The following ZCCHC2 variants were observed in gnomAD, a reference collection of about 807,000 sequenced individuals.
ZCCHC2 encodes the protein zinc finger CCHC domain-containing protein 2.
A neutral mutation model predicts 103.6 loss-of-function variants in ZCCHC2; 39 were observed. The observed-to-expected ratio is 0.38, with a 90% CI of 0.29 to 0.49. The LOEUF (loss-of-function observed/expected upper bound fraction) is 0.49, where lower values mean the gene tolerates loss of function less well. ZCCHC2 is among the 20% of genes least tolerant of loss of function. ZCCHC2 has a pLI of 0.96. For synonymous variants in ZCCHC2, 687 were observed against 608.9 expected, an observed-to-expected ratio of 1.13 and a Z score of -1.89; for missense variants, 1,483 against 1,491.0, an observed-to-expected ratio of 0.99 and a Z score of 0.09.
chr18:62,568,986 T>A (rs1373428814), intron 11 of ZCCHC2, among the ~76,000 whole-genome samples: 1 of 152,234 alleles, frequency 6.6e-6, no homozygotes, highest in Non-Finnish European at 1.5e-5. Context: ...TCCAGGTAAC[T>A]TTTCTGTAAA....
intron 7 of ZCCHC2, chr18:62,560,296 A>G (rs547374480): frequency 1.5e-4 from 38 of 258,598 alleles, no homozygotes; most frequent in Non-Finnish European, 2.1e-4. Flanking sequence ...AAAAAGTTCT[A>G]TCTGAAATTG....
chr18:62,557,385 A>G (rs915585599), intron 6 of ZCCHC2, among the ~76,000 whole-genome samples: 2 of 152,212 alleles, frequency 1.3e-5, no homozygotes, highest in Admixed American at 1.3e-4. Flanking sequence ...AGAAAAACAC[A>G]TATTTCCTCA....
chr18:62,543,936 G>C (rs1333252556), intron 3 of ZCCHC2, among the ~76,000 whole-genome samples: 2 of 152,208 alleles, frequency 1.3e-5, no homozygotes, highest in Non-Finnish European at 2.9e-5. Context: ...CTTAAGAAAT[G>C]TAATGTGCCA....
At chr18:62,558,116 A>G (rs1464222785) in intron 6 of ZCCHC2, among the ~76,000 whole-genome samples, 3 of 152,100 alleles carry the variant, frequency 2.0e-5, no homozygotes, top group Non-Finnish European at 2.9e-5. Context: ...AAATAATGCT[A>G]AAGTCCTGAA....
chr18:62,579,824 G>A (rs2121911412), downstream of ZCCHC2, among the ~76,000 whole-genome samples: 1 of 152,238 alleles, frequency 6.6e-6, no homozygotes, highest in East Asian at 1.9e-4. Context: ...CCGGGTTCAA[G>A]TGATTCTCCT....
chr18:62,563,214 C>G lies in ZCCHC2; in HGVS notation c.1686+70C>G, dbSNP rs73963453. 9.6e-4 allele frequency: 1,479 copies of G among 1,535,254 alleles called. 12 individuals carry two copies. In the African/African-American group the frequency reaches 0.018, roughly 18 times the overall value. On this transcript the variant is annotated intron_variant, in intron 9 of 13. Transcript: ENST00000269499. The stretch of plus-strand genomic sequence containing the variant: ...TCCTCTATAAGAAAAAAATTAAGTT[C>G]TGTAAGCTTTCAGTCAGACAGTATA...
chr18:62,576,281 A>G (rs1396685616), intron 13 of ZCCHC2, among the ~76,000 whole-genome samples: 1 of 152,222 alleles, frequency 6.6e-6, no homozygotes, highest in African/African-American at 2.4e-5. Context: ...TAAATTGGGA[A>G]TATATTTACT....
chr18:62,547,550 T>G (rs1105674), intron 4 of ZCCHC2, among the ~76,000 whole-genome samples: 23,168 of 145,964 alleles, frequency 0.16, 2,260 homozygotes, highest in Non-Finnish European at 0.23. Context: ...GGTTTGTTTG[T>G]TTTTTTTTTT....
chr18:62,545,480 A>T (rs917129209), intron 4 of ZCCHC2, among the ~76,000 whole-genome samples: 4 of 152,148 alleles, frequency 2.6e-5, no homozygotes, highest in African/African-American at 9.7e-5. Context: ...ACTACTGGGA[A>T]TAAGAAGATA....
At chr18:62,540,672 C>T (rs1241735186) in intron 2 of ZCCHC2, among the ~76,000 whole-genome samples, 2 of 151,784 alleles carry the variant, frequency 1.3e-5, no homozygotes, top group Non-Finnish European at 2.9e-5. Flanking sequence ...AATGAAGGTC[C>T]TTTTTTTTAA....
intron 1 of ZCCHC2, among the ~76,000 whole-genome samples, chr18:62,534,586 AAGTGAACGCTCT>A (rs1914839938): frequency 1.3e-5 from 2 of 152,198 alleles, no homozygotes; most frequent in Non-Finnish European, 2.9e-5. Flanking sequence ...TTGGTCACTG[AAGTGAACGCTCT>A]ATAACATAAA....
chr18:62,569,821 C>G (rs916580561), intron 11 of ZCCHC2, among the ~76,000 whole-genome samples: 1 of 152,032 alleles, frequency 6.6e-6, no homozygotes, highest in Non-Finnish European at 1.5e-5. Flanking sequence ...TAGAAAGTAG[C>G]TCAAAGTGAT....
chr18:62,552,751 G>A (rs1157609007), intron 5 of ZCCHC2, among the ~76,000 whole-genome samples: 4 of 152,070 alleles, frequency 2.6e-5, no homozygotes, highest in Non-Finnish European at 5.9e-5. Flanking sequence ...TTAGCTGGGT[G>A]TGGTGGTGCA....
At position 62,523,235 on chromosome 18, in the gene ZCCHC2, C is replaced by T. The variant is rs1167455012; in HGVS notation, c.-190C>T. 1.3e-5 allele frequency: 4 copies of T among 318,534 alleles called. No individual in the cohort carries two copies. Among genetic ancestry groups the T allele is most frequent in the Non-Finnish European group, 1.8e-5 (4 of 220,516 alleles). 19.7% of individuals were successfully genotyped at this position (318,534 alleles called of 1,614,324 possible). ...ACGCCCCGCCCCCAGCCCGGGAAGA[C>T]GACGCCAGCGACCCCGCCGGCCGGC... On this transcript the variant is annotated 5_prime_UTR_variant, in exon 1 of 14. In the 5' UTR this introduces an upstream ATG that the reference lacks. Coordinates refer to ENST00000269499, the MANE Select transcript of ZCCHC2 (RefSeq NM_017742.6).
chr18:62,569,809 C>T (rs984091527), intron 11 of ZCCHC2, among the ~76,000 whole-genome samples: 1 of 152,144 alleles, frequency 6.6e-6, no homozygotes, highest in East Asian at 1.9e-4. Context: ...AATATCTAGA[C>T]TTAGAAAGTA....
intron 11 of ZCCHC2, among the ~76,000 whole-genome samples, chr18:62,565,836 G>A (rs1016341546): frequency 1.3e-5 from 2 of 152,140 alleles, no homozygotes; most frequent in Non-Finnish European, 2.9e-5. Context: ...CAGTTGTGAT[G>A]TAATATGAAT....
chr18:62,528,583 A>T (rs1914540137), intron 1 of ZCCHC2, among the ~76,000 whole-genome samples: 1 of 52,936 alleles, frequency 1.9e-5, no homozygotes, highest in Non-Finnish European at 3.7e-5. Flanking sequence ...TGGGCGACAG[A>T]GTGAGACTGT....
chr18:62,553,170 G>C (rs1033056957), intron 5 of ZCCHC2, among the ~76,000 whole-genome samples: 3 of 141,446 alleles, frequency 2.1e-5, no homozygotes, highest in African/African-American at 8.2e-5. Context: ...GTGTGTGTGT[G>C]TGTGTGTGTG....
chr18:62,529,159 CAAAAAAAA>C (rs67299838), intron 1 of ZCCHC2, among the ~76,000 whole-genome samples: 151 of 67,548 alleles, frequency 2.2e-3, no homozygotes, highest in Non-Finnish European at 3.7e-3. Context: ...GACAACGTCT[CAAAAAAAA>C]AAAAAAAAAA....
Sources: allele counts gnomAD v4.1 joint callset (sites outside exome capture counted in the v4.1 genomes callset), GRCh38; gene constraint gnomAD v4.1.1; transcripts MANE v1.5; gene names NCBI Gene and HGNC (gene_info 2026-07-23, HGNC 2026-07-21).